ARHGAP21: variants seen among roughly 807,000 people sequenced by gnomAD.
ARHGAP21 encodes rho GTPase-activating protein 21.
ARHGAP21 carries 38 observed loss-of-function variants against 164.6 expected under a neutral mutation model. The observed-to-expected ratio is 0.23, with a 90% CI of 0.18 to 0.30. The LOEUF is 0.30. Among genes scored for constraint, ARHGAP21 ranks in the 10% least tolerant of loss-of-function variants. ARHGAP21 has a pLI of 1.00. For synonymous variants in ARHGAP21, 766 were observed against 857.9 expected (o/e 0.89, Z 1.87); for missense variants, 1,822 against 2,370.7 (o/e 0.77, Z 4.81).
At chr10:24,662,800 A>G (rs776171766) in intron 4 of ARHGAP21, among the ~76,000 whole-genome samples, 1 of 152,164 alleles carries the variant, frequency 6.6e-6, no homozygotes, top group Non-Finnish European at 1.5e-5. Flanking sequence ...GATTTTTAAA[A>G]TTATCTTATT....
chr10:24,600,499 G>A (rs1284379004), intron 14 of ARHGAP21, 147 bp downstream of exon 14: 16 of 991,440 alleles, frequency 1.6e-5, no homozygotes, highest in Non-Finnish European at 2.1e-5. Context: ...AAACAGGTAT[G>A]TTTGAGTTTT....
At position 24,620,701 on chromosome 10, in the gene ARHGAP21, G is replaced by C. The variant is rs1297823366; in HGVS notation, c.1194C>G (p.Asn398Lys). The change falls in exon 9 of 26, where the codon AAC becomes AAG. Residue 398 changes from asparagine (N) to lysine (K), a missense_variant. Asn to Lys is a moderately conservative substitution (Grantham distance 94). Coordinates refer to ENST00000396432, the MANE Select transcript of ARHGAP21 (RefSeq NM_020824.4). ...NYKTYKEYID[N>K]RRLHIGCRTI... is the part of the protein sequence containing the mutation. Reference sequence around the variant, plus strand: ...TCCGACAACCTATGTGCAATCGTCTGTTATCAATATACTCTTTGTAAGTTT... The same window carrying C: ...TCCGACAACCTATGTGCAATCGTCTCTTATCAATATACTCTTTGTAAGTTT... 6.2e-6 allele frequency: 10 copies of C among 1,614,144 alleles called. No homozygotes were observed. The highest frequency in any genetic ancestry group is 7.6e-6 in the Non-Finnish European group (9 of 1,179,998).
At chr10:24,591,027 T>C in intron 24 of ARHGAP21, 198 bp downstream of exon 24, 1 of 639,386 alleles carries the variant, frequency 1.6e-6, no homozygotes, top group Non-Finnish European at 1.9e-6. Context: ...TACAACTGCA[T>C]GCACTGCCAA....
intron 16 of ARHGAP21, among the ~76,000 whole-genome samples, 168 bp from the exon 17 acceptor site, chr10:24,597,050 C>A (rs1370172496): frequency 6.7e-6 from 1 of 149,850 alleles, no homozygotes; most frequent in Non-Finnish European, 1.5e-5. Flanking sequence ...ACTTTTACTT[C>A]ATTCTTTTAT....
chr10:24,585,178 G>C lies in ARHGAP21; in HGVS notation c.5111C>G (p.Ser1704Cys), dbSNP rs961689351. The C allele has an allele frequency of 1.2e-6, 2 of 1,609,172 alleles. No individual in the cohort carries two copies. ...SHKLIECDTL[S>C]RKKSARFKSD... ...CTTGAATCTAGCTGATTTTTTCCTG[G>C]AAAGAGTATCACATTCGATGAGTTT... Residue 1704 changes from serine to cysteine, a missense_variant, in exon 26 of 26, where the codon TCC becomes TGC. Physicochemically the swap from Ser to Cys is moderately radical, Grantham distance 112. This residue lies in a region of ARHGAP21 where 117 missense variants were observed against 193.2 expected (regional missense o/e 0.61). Coordinates refer to ENST00000396432, the MANE Select transcript of ARHGAP21 (RefSeq NM_020824.4).
At chr10:24,718,955 A>T (rs951860913) in intron 2 of ARHGAP21, among the ~76,000 whole-genome samples, 1 of 152,166 alleles carries the variant, frequency 6.6e-6, no homozygotes, top group African/African-American at 2.4e-5. Context: ...TTTGGCTTAA[A>T]AAAAAAGTTA....
chr10:24,666,324 C>CTG, intron 4 of ARHGAP21, among the ~76,000 whole-genome samples: 1 of 152,270 alleles, frequency 6.6e-6, no homozygotes, highest in African/African-American at 2.4e-5. Context: ...GCGACTGCGC[C>CTG]CGCCCCTGCC....
At chr10:24,674,444 C>G (rs541014833) in intron 2 of ARHGAP21, among the ~76,000 whole-genome samples, 28 of 152,150 alleles carry the variant, frequency 1.8e-4, no homozygotes, top group African/African-American at 6.3e-4. Flanking sequence ...TCGCTTGAAC[C>G]AGGGAGGCGG....
intron 2 of ARHGAP21, among the ~76,000 whole-genome samples, chr10:24,720,121 T>C (rs746519504): frequency 1.3e-5 from 2 of 152,070 alleles, no homozygotes; most frequent in Non-Finnish European, 2.9e-5. Context: ...TGAAAACAAA[T>C]TTCACAGCCG....
intron 25 of ARHGAP21, among the ~76,000 whole-genome samples, chr10:24,586,380 T>C (rs1199279882): frequency 1.2e-4 from 18 of 152,346 alleles, no homozygotes; most frequent in African/African-American, 4.3e-4. Flanking sequence ...CTGTGCTTAG[T>C]GCTGATTCCT....
At chr10:24,694,709 A>G (rs1483179599) in intron 2 of ARHGAP21, among the ~76,000 whole-genome samples, 1 of 152,172 alleles carries the variant, frequency 6.6e-6, no homozygotes, top group Non-Finnish European at 1.5e-5. Context: ...ACTGTAATAC[A>G]TCATTGCCTG....
At position 24,625,060 on chromosome 10, in the gene ARHGAP21, GGGGGA is replaced by G. The variant is rs1351790069; in HGVS notation, c.496-2303_496-2299del. 3.2e-4 allele frequency among the ~76,000 whole-genome samples: 25 copies of G among 78,192 alleles called. 4 individuals carry two copies. The highest frequency in any genetic ancestry group is 1.3e-3 in the African/African-American group (23 of 17,650). The allele number at this position is 78,192 out of a possible 152,430, so 51.3% of individuals were successfully genotyped here. A position where few individuals can be genotyped will look rare whatever the true frequency, so the allele number is the denominator to read the frequency against. On this transcript the variant is annotated intron_variant, in intron 7 of 25. Coordinates refer to ENST00000396432, the MANE Select transcript of ARHGAP21 (RefSeq NM_020824.4). ...AAAAGCTCTAAAAAGTGGGGGGGGG[GGGGGA>G]GGAGGAGGAGGAAGAAAATAAGAAA... is the stretch of plus-strand genomic sequence containing the variant.
chr10:24,676,921 G>A (rs1018646659), intron 2 of ARHGAP21, among the ~76,000 whole-genome samples: 6 of 152,024 alleles, frequency 3.9e-5, no homozygotes, highest in Non-Finnish European at 8.8e-5. Flanking sequence ...TATTAACTCC[G>A]GGCCAGGCAC....
intron 2 of ARHGAP21, among the ~76,000 whole-genome samples, chr10:24,681,690 A>G (rs758752956): frequency 3.3e-5 from 5 of 152,152 alleles, no homozygotes; most frequent in Non-Finnish European, 7.3e-5. Context: ...ACTTACTTAA[A>G]GTAAAATTTC....
At chr10:24,630,837 T>A (rs2131326804) in intron 6 of ARHGAP21, among the ~76,000 whole-genome samples, 1 of 152,308 alleles carries the variant, frequency 6.6e-6, no homozygotes, top group Middle Eastern at 3.4e-3. Context: ...CCTCCTGGCC[T>A]CAGAAGTGAA....
At chr10:24,614,704 A>C (rs2077401963) in intron 9 of ARHGAP21, among the ~76,000 whole-genome samples, 1 of 148,350 alleles carries the variant, frequency 6.7e-6, no homozygotes, top group Non-Finnish European at 1.5e-5. Flanking sequence ...AATCGCTTGA[A>C]CCTGGAAGGC....
At chr10:24,721,802 G>A (rs1421148851) in intron 2 of ARHGAP21, 35 bp downstream of exon 2, 2 of 1,611,582 alleles carry the variant, frequency 1.2e-6, no homozygotes, top group South Asian at 2.2e-5. Flanking sequence ...ACAGGCCACC[G>A]CCCTGCCGGC....
chr10:24,671,643 G>A (rs1247999519), intron 2 of ARHGAP21, among the ~76,000 whole-genome samples: 1 of 151,714 alleles, frequency 6.6e-6, no homozygotes, highest in African/African-American at 2.4e-5. Flanking sequence ...TCTCTCTTTT[G>A]CATCACTTAT....
chr10:24,632,033 T>G (rs923995496), intron 6 of ARHGAP21, among the ~76,000 whole-genome samples: 1 of 152,188 alleles, frequency 6.6e-6, no homozygotes, highest in Non-Finnish European at 1.5e-5. Context: ...CAAGGACACA[T>G]GTTATATTAA....
Sources: allele counts gnomAD v4.1 joint callset (sites outside exome capture counted in the v4.1 genomes callset), GRCh38; gene constraint gnomAD v4.1.1; regional missense constraint gnomAD v4.1.1; transcripts MANE v1.5; gene names NCBI Gene and HGNC (gene_info 2026-07-23, HGNC 2026-07-21).